PGM2: variants seen among roughly 807,000 people sequenced by gnomAD.
PGM2 encodes the protein phosphopentomutase.
A neutral mutation model predicts 74.6 loss-of-function variants in PGM2; 57 were observed. The observed-to-expected ratio is 0.76, with a 90% confidence interval of 0.62 to 0.95. The LOEUF (loss-of-function observed/expected upper bound fraction) is 0.95, where lower values mean the gene tolerates loss of function less well. PGM2 is among the 40% of genes least tolerant of loss of function. PGM2 has a pLI of 0.00. For synonymous variants in PGM2, 273 were observed against 260.7 expected, an observed-to-expected ratio of 1.05 and a Z score of -0.46; for missense variants, 706 against 741.9, an observed-to-expected ratio of 0.95 and a Z score of 0.56.
chr4:37,838,533 T>C (rs1725626436), intron 4 of PGM2, among the ~76,000 whole-genome samples: 1 of 152,198 alleles, frequency 6.6e-6, no homozygotes, highest in African/African-American at 2.4e-5. Flanking sequence ...TGGATGCAGT[T>C]AGTCACATCT....
intron 10 of PGM2, 172 bp downstream of exon 10, chr4:37,847,467 A>G (rs1044638180): frequency 3.3e-5 from 19 of 571,412 alleles, no homozygotes; most frequent in Non-Finnish European, 5.3e-5. Flanking sequence ...TTACAGCCAA[A>G]AGGAATGTCT....
intron 3 of PGM2, 94 bp from the exon 4 acceptor site, chr4:37,837,435 C>T: frequency 1.2e-6 from 1 of 805,376 alleles, no homozygotes; most frequent in Non-Finnish European, 2.2e-6. Flanking sequence ...TGCATTCACC[C>T]TAAAGAACAT....
chr4:37,858,679 C>T (rs1253428570), intron 13 of PGM2, among the ~76,000 whole-genome samples: 1 of 152,038 alleles, frequency 6.6e-6, no homozygotes, highest in Non-Finnish European at 1.5e-5. Flanking sequence ...AGATTTCCTT[C>T]TTTCCTGAAA....
intron 13 of PGM2, among the ~76,000 whole-genome samples, chr4:37,858,276 G>A (rs915047060): frequency 1.3e-5 from 2 of 152,134 alleles, no homozygotes; most frequent in East Asian, 3.9e-4. Flanking sequence ...TGGATATGTG[G>A]TCACGGCTTA....
At chr4:37,859,781 G>A (rs1166295376) in intron 13 of PGM2, among the ~76,000 whole-genome samples, 1 of 152,080 alleles carries the variant, frequency 6.6e-6, no homozygotes, top group East Asian at 1.9e-4. Context: ...TAGCTTAAAT[G>A]TTTTTTCATG....
intron 11 of PGM2, 42 bp downstream of exon 11, chr4:37,848,693 A>C: frequency 2.2e-6 from 3 of 1,345,902 alleles, no homozygotes; most frequent in Non-Finnish European, 3.1e-6. Context: ...TAATATTTTG[A>C]AATGTTCTAT....
intron 3 of PGM2, among the ~76,000 whole-genome samples, chr4:37,837,218 TAGAC>T (rs545407646): frequency 6.3e-4 from 96 of 152,222 alleles, no homozygotes; most frequent in African/African-American, 2.2e-3. Context: ...ACCACTGAGA[TAGAC>T]AGAGAGCTGA....
intron 12 of PGM2, among the ~76,000 whole-genome samples, chr4:37,852,031 A>G (rs1302627186): frequency 7.1e-6 from 1 of 141,230 alleles, no homozygotes; most frequent in African/African-American, 2.6e-5. Context: ...AGTGAATGGC[A>G]TGATCACAGC....
At chr4:37,847,702 G>A (rs1465353311) in intron 10 of PGM2, among the ~76,000 whole-genome samples, 1 of 152,170 alleles carries the variant, frequency 6.6e-6, no homozygotes, top group Non-Finnish European at 1.5e-5. Context: ...GGAGAAGGAA[G>A]GCATGGTTTG....
intron 12 of PGM2, among the ~76,000 whole-genome samples, chr4:37,850,759 G>A (rs185732132): frequency 6.6e-6 from 1 of 152,244 alleles, no homozygotes; most frequent in Admixed American, 6.5e-5. Flanking sequence ...GGGAGGCCGA[G>A]GCAGGTGGAT....
Position 37,830,136 on chromosome 4 carries a change from C to A in PGM2, c.249+5C>A. 1 of 1,529,886 alleles carries A rather than the reference C, an allele frequency of 6.5e-7. No individual in the cohort carries two copies. The highest frequency in any genetic ancestry group is 8.8e-7 in the Non-Finnish European group (1 of 1,139,392). 94.8% of individuals were successfully genotyped at this position (1,529,886 alleles called of 1,614,324 possible). Reference sequence around the variant, plus strand: ...ACCATCATCCAGACTACACAGGTACCATGTTTTTTATAATTCTTAGTAACT... The same window carrying A: ...ACCATCATCCAGACTACACAGGTACAATGTTTTTTATAATTCTTAGTAACT... On this transcript the variant is annotated splice_donor_5th_base_variant and intron_variant, in intron 2 of 13. Coordinates refer to ENST00000381967, the MANE Select transcript of PGM2 (RefSeq NM_018290.4).
Position 37,859,534 on chromosome 4 carries a change from A to T in PGM2, c.1737-1976A>T, listed in dbSNP as rs139690872. ...CAGTTCCATTCCTGATGCCTTTCAGATAGAATCTAGCCCATCCACATTGTC... is the reference window on the plus strand; with the variant it reads ...CAGTTCCATTCCTGATGCCTTTCAGTTAGAATCTAGCCCATCCACATTGTC... On this transcript the variant is annotated intron_variant, in intron 13 of 13. Coordinates refer to ENST00000381967, the MANE Select transcript of PGM2 (RefSeq NM_018290.4). Among the ~76,000 whole-genome samples the T allele has an allele frequency of 3.2e-3, 487 of 152,282 alleles. 5 individuals carry two copies. The highest frequency in any genetic ancestry group is 0.011 in the African/African-American group (469 of 41,566).
At chr4:37,837,898 T>G (rs1016567045) in intron 4 of PGM2, among the ~76,000 whole-genome samples, 3 of 150,004 alleles carry the variant, frequency 2.0e-5, no homozygotes, top group Non-Finnish European at 3.0e-5. Flanking sequence ...TTTTTTTTTT[T>G]GAGACAGAGT....
At chr4:37,830,376 G>A (rs1457391028) in intron 2 of PGM2, among the ~76,000 whole-genome samples, 1 of 152,120 alleles carries the variant, frequency 6.6e-6, no homozygotes, top group Non-Finnish European at 1.5e-5. Flanking sequence ...CATACCATGT[G>A]CCAGCACTGG....
chr4:37,848,425 C>A, intron 10 of PGM2, 97 bp from the exon 11 acceptor site: 1 of 1,068,736 alleles, frequency 9.4e-7, no homozygotes, highest in Non-Finnish European at 1.4e-6. Context: ...ATACACGCAA[C>A]ACTGTACAAC....
chr4:37,836,881 G>GTGTGTGTC (rs1443807989), intron 3 of PGM2, among the ~76,000 whole-genome samples: 1 of 151,780 alleles, frequency 6.6e-6, no homozygotes, highest in African/African-American at 2.4e-5. Flanking sequence ...GTGTGTGTGT[G>GTGTGTGTC]TATACACACA....
At chr4:37,833,762 TTGCATG>T (rs1725495424) in intron 2 of PGM2, among the ~76,000 whole-genome samples, 1 of 152,198 alleles carries the variant, frequency 6.6e-6, no homozygotes, top group South Asian at 2.1e-4. Context: ...TCTCAGCACT[TTGCATG>T]TTTTCATTCA....
intron 10 of PGM2, among the ~76,000 whole-genome samples, chr4:37,847,636 C>G (rs1426906900): frequency 6.6e-6 from 1 of 152,152 alleles, no homozygotes; most frequent in African/African-American, 2.4e-5. Flanking sequence ...TATTTAATGT[C>G]CCTCCTCCTC....
intron 6 of PGM2, among the ~76,000 whole-genome samples, chr4:37,842,463 T>A (rs2152177581): frequency 1.3e-5 from 2 of 152,018 alleles, no homozygotes; most frequent in South Asian, 4.1e-4. Context: ...TGATTTTTAA[T>A]TTTATATGGG....
Sources: gnomAD v4.1 joint callset for allele counts (sites outside exome capture counted in the v4.1 genomes callset) on GRCh38, gnomAD v4.1.1 for gene constraint, MANE v1.5 for transcripts, NCBI Gene and HGNC (gene_info 2026-07-23, HGNC 2026-07-21) for gene names.